The following OLA1 variants were observed in gnomAD, a reference collection of about 807,000 sequenced individuals.
The protein encoded by OLA1 is obg-like ATPase 1.
A neutral mutation model predicts 48.4 loss-of-function variants in OLA1; 14 were observed. The observed-to-expected ratio is 0.29, with a 90% CI of 0.19 to 0.45. OLA1 has a LOEUF of 0.45. Among genes scored for constraint, OLA1 ranks in the 20% least tolerant of loss-of-function variants. OLA1 has a pLI of 1.00. For synonymous variants in OLA1, 127 were observed against 150.4 expected (o/e 0.84, Z 1.14); for missense variants, 325 against 467.1 (o/e 0.70, Z 2.80).
intron 7 of OLA1, among the ~76,000 whole-genome samples, chr2:174,085,062 A>G (rs1684938001): frequency 6.6e-6 from 1 of 152,210 alleles, no homozygotes; most frequent in South Asian, 2.1e-4. Flanking sequence ...AAGCAGCCAA[A>G]GACACACTTG....
Position 174,226,480 on chromosome 2 carries a change from C to CT in OLA1, c.245+2827dup, listed in dbSNP as rs1203429636. On this transcript the variant is annotated intron_variant, in intron 3 of 10. Transcript: ENST00000284719. ...ACTACCAAAAACATTTATTAATGTT[C>CT]TTTTTTTTTTTGGCAGGAATTTCTT... Among the ~76,000 whole-genome samples the CT allele has an allele frequency of 9.2e-3, 1,338 of 144,966 alleles. 6 individuals are homozygous for CT. Among genetic ancestry groups the CT allele is most frequent in the Non-Finnish European group, 0.014 (890 of 65,554 alleles).
Position 174,136,687 on chromosome 2 carries a change from T to C in OLA1, c.549+5138A>G, listed in dbSNP as rs377427467. On this transcript the variant is annotated intron_variant, in intron 5 of 10. Transcript: ENST00000284719. ...CATGAATATTCTTTTTTTTTTTTTT[T>C]CCTGAGACGAGTCTTGGTCTGTAAC... Among the ~76,000 whole-genome samples, 295 of 151,992 alleles carry C rather than the reference T, an allele frequency of 1.9e-3. 2 individuals carry two copies. The highest frequency in any genetic ancestry group is 6.4e-3 in the African/African-American group (265 of 41,478).
At chr2:174,197,614 CACA>C (rs1425068267) in intron 4 of OLA1, among the ~76,000 whole-genome samples, 1 of 152,154 alleles carries the variant, frequency 6.6e-6, no homozygotes, top group Admixed American at 6.5e-5. Flanking sequence ...TGTTCCTGTA[CACA>C]AAGGATCCTT....
At chr2:174,083,287 C>T (rs1289870335) in intron 7 of OLA1, among the ~76,000 whole-genome samples, 1 of 151,988 alleles carries the variant, frequency 6.6e-6, no homozygotes, top group Non-Finnish European at 1.5e-5. Context: ...AAAACAAGAA[C>T]TAAGTCACAA....
intron 4 of OLA1, among the ~76,000 whole-genome samples, chr2:174,182,295 T>G (rs1687562803): frequency 6.6e-6 from 1 of 152,072 alleles, no homozygotes; most frequent in Non-Finnish European, 1.5e-5. Context: ...GAGGCCGAGG[T>G]GGGCGGAACA....
chr2:174,093,289 A>C (rs761015268), intron 7 of OLA1, among the ~76,000 whole-genome samples: 3 of 152,054 alleles, frequency 2.0e-5, no homozygotes, highest in Non-Finnish European at 2.9e-5. Flanking sequence ...TCTATGAATA[A>C]AAAATAAAAT....
intron 4 of OLA1, among the ~76,000 whole-genome samples, chr2:174,194,950 A>ATT (rs1165439471): frequency 6.6e-6 from 1 of 151,940 alleles, no homozygotes; most frequent in Non-Finnish European, 1.5e-5. Context: ...GCATATTCAT[A>ATT]TTTTCTCTCT....
intron 4 of OLA1, among the ~76,000 whole-genome samples, chr2:174,147,248 G>T (rs1313740711): frequency 1.3e-5 from 2 of 152,088 alleles, no homozygotes; most frequent in African/African-American, 4.8e-5. Flanking sequence ...CCGACATGGA[G>T]AAAACACATC....
intron 2 of OLA1, among the ~76,000 whole-genome samples, chr2:174,235,347 G>T: frequency 6.6e-6 from 1 of 152,050 alleles, no homozygotes; most frequent in Non-Finnish European, 1.5e-5. Context: ...TGAAAGAACA[G>T]GCATTCTGGA....
At chr2:174,241,399 TTC>T (rs1478181568) in intron 2 of OLA1, among the ~76,000 whole-genome samples, 1 of 152,240 alleles carries the variant, frequency 6.6e-6, no homozygotes, top group Non-Finnish European at 1.5e-5. Context: ...TTGTGATTTT[TTC>T]TTTTTTTTAG....
At chr2:174,095,534 G>A (rs1685236125) in intron 7 of OLA1, among the ~76,000 whole-genome samples, 1 of 151,916 alleles carries the variant, frequency 6.6e-6, no homozygotes, top group South Asian at 2.1e-4. Flanking sequence ...AACTGGATGG[G>A]TTGTTTGTTG....
In OLA1 at chr2:174,073,612, G is replaced by T. The variant is rs1193290626; in HGVS notation, c.*1814C>A. ...CCTTTCTTTTATTAATGGTTCTGTT[G>T]CACAATGTGCAATTTACCACATTAG... On this transcript the variant is annotated 3_prime_UTR_variant, in exon 11 of 11. Transcript: ENST00000284719. 19 of 152,126 alleles carry T rather than the reference G, an allele frequency of 1.2e-4. 1 individual carries two copies. Among genetic ancestry groups the T allele is most frequent in the Non-Finnish European group, 2.5e-4 (17 of 68,000 alleles). The allele number at this position is 152,126 out of a possible 1,614,324, so 9.4% of individuals were successfully genotyped here. A position where few individuals can be genotyped will look rare whatever the true frequency, so the allele number is the denominator to read the frequency against.
rs114307697 is a variant in OLA1 at position 174,089,880 on chromosome 2, C to T, written c.729-7816G>A. Among the ~76,000 whole-genome samples the T allele has an allele frequency of 4.7e-3, 658 of 140,602 alleles. 6 individuals are homozygous for T. Among genetic ancestry groups the T allele is most frequent in the African/African-American group, 0.017 (632 of 37,130 alleles). 92.2% of individuals were successfully genotyped at this position (140,602 alleles called of 152,430 possible). A position where few individuals can be genotyped will look rare whatever the true frequency, so the allele number is the denominator to read the frequency against. ...TCATGCTACCGCACTCTAGCCTTTGCGACAGGGCGAGACCCTGTCTCAAAA... is the reference window on the plus strand; with the variant it reads ...TCATGCTACCGCACTCTAGCCTTTGTGACAGGGCGAGACCCTGTCTCAAAA... On this transcript the variant is annotated intron_variant, in intron 7 of 10. Transcript: ENST00000284719.
intron 7 of OLA1, among the ~76,000 whole-genome samples, chr2:174,103,376 C>A (rs1307557125): frequency 1.3e-5 from 2 of 152,146 alleles, no homozygotes; most frequent in Admixed American, 1.3e-4. Context: ...CAACGACATG[C>A]CCATGCCCAT....
At chr2:174,110,318 TTTTTTG>T in intron 7 of OLA1, among the ~76,000 whole-genome samples, 1 of 148,270 alleles carries the variant, frequency 6.7e-6, no homozygotes, top group African/African-American at 2.5e-5. Context: ...TTTTTTTTTT[TTTTTTG>T]TATTTTTAGT....
At chr2:174,219,423 C>CTTTTTTTTTTTTTT (rs372577919) in intron 4 of OLA1, among the ~76,000 whole-genome samples, 2 of 94,924 alleles carry the variant, frequency 2.1e-5, no homozygotes, top group African/African-American at 4.4e-5. Flanking sequence ...TTTTATTTCC[C>CTTTTTTTTTTTTTT]TTTTTTTTTT....
At chr2:174,128,284 C>G (rs939013486) in intron 5 of OLA1, among the ~76,000 whole-genome samples, 1 of 151,492 alleles carries the variant, frequency 6.6e-6, no homozygotes, top group African/African-American at 2.4e-5. Flanking sequence ...TCTGTAGTTC[C>G]AGCTACTCAA....
Position 174,112,116 on chromosome 2 carries a change from C to A in OLA1, c.728+11064G>T, listed in dbSNP as rs74962225. On this transcript the variant is annotated intron_variant, in intron 7 of 10. Coordinates refer to ENST00000284719, the MANE Select transcript of OLA1 (RefSeq NM_013341.5). ...AACAAAACCTTACCTAAATGAAATT[C>A]ATAGTAATAGGAAATGTGACTGGTA... 2.1e-3 allele frequency among the ~76,000 whole-genome samples: 323 copies of A among 152,248 alleles called. 2 individuals are homozygous for A. The highest frequency in any genetic ancestry group is 7.4e-3 in the African/African-American group (306 of 41,546).
At chr2:174,247,881 T>C in intron 1 of OLA1, 1 of 1,295,988 alleles carries the variant, frequency 7.7e-7, no homozygotes, top group African/African-American at 1.5e-5. Flanking sequence ...ACTCCCACCC[T>C]TGGACTGCAA....
Sources: allele counts gnomAD v4.1 joint callset (sites outside exome capture counted in the v4.1 genomes callset), GRCh38; gene constraint gnomAD v4.1.1; transcripts MANE v1.5; gene names NCBI Gene and HGNC (gene_info 2026-07-23, HGNC 2026-07-21).